The following POU6F2 variants were observed in gnomAD, a reference collection of about 807,000 sequenced individuals.
POU6F2 encodes the protein POU domain, class 6, transcription factor 2.
In POU6F2, 31 loss-of-function variants were observed where a neutral mutation model predicts 71.3. That is an observed-to-expected ratio of 0.43 (90% CI 0.33 to 0.59). The LOEUF (loss-of-function observed/expected upper bound fraction) is 0.59, where lower values mean the gene tolerates loss of function less well. Among genes scored for constraint, POU6F2 ranks in the 20% least tolerant of loss-of-function variants. The probability of loss-of-function intolerance (pLI) is 0.04; values close to 1 mark genes in which losing one functional copy is unlikely to be tolerated. For missense variants in POU6F2, 783 were observed against 856.8 expected (o/e 0.91, Z 1.07); for synonymous variants, 347 against 355.7 (o/e 0.98, Z 0.27).
chr7:39,009,905 T>C (rs956159480), intron 1 of POU6F2, among the ~76,000 whole-genome samples: 2 of 151,744 alleles, frequency 1.3e-5, no homozygotes, highest in Non-Finnish European at 2.9e-5. Flanking sequence ...CTTTTTGATG[T>C]GCTGCTGGAT....
intron 4 of POU6F2, among the ~76,000 whole-genome samples, chr7:39,314,986 C>T (rs1785235171): frequency 6.6e-6 from 1 of 152,166 alleles, no homozygotes; most frequent in Non-Finnish European, 1.5e-5. Flanking sequence ...AAAACTTCAA[C>T]CTCTGTGGTC....
At chr7:39,320,740 C>T (rs1291496217) in intron 4 of POU6F2, among the ~76,000 whole-genome samples, 1 of 152,108 alleles carries the variant, frequency 6.6e-6, no homozygotes, top group Non-Finnish European at 1.5e-5. Flanking sequence ...ATAAATTAGG[C>T]ATAGTAAGGG....
At chr7:39,281,877 A>G (rs1265916664) in intron 4 of POU6F2, among the ~76,000 whole-genome samples, 2 of 152,148 alleles carry the variant, frequency 1.3e-5, no homozygotes, top group Non-Finnish European at 2.9e-5. Flanking sequence ...AGTAAACCCC[A>G]TACTGTTTTC....
At chr7:39,231,406 A>C (rs1309117034) in intron 4 of POU6F2, among the ~76,000 whole-genome samples, 1 of 152,168 alleles carries the variant, frequency 6.6e-6, no homozygotes, top group African/African-American at 2.4e-5. Flanking sequence ...CATGCCAGGC[A>C]TTTACTATAT....
At chr7:39,201,022 GTCTC>G (rs941117317) in intron 2 of POU6F2, among the ~76,000 whole-genome samples, 4 of 151,822 alleles carry the variant, frequency 2.6e-5, no homozygotes, top group African/African-American at 7.3e-5. Context: ...GTGAGATACT[GTCTC>G]TCTCAAAAAA....
intron 1 of POU6F2, among the ~76,000 whole-genome samples, chr7:39,072,299 C>G (rs1169827111): frequency 2.0e-5 from 3 of 152,182 alleles, no homozygotes; most frequent in African/African-American, 7.2e-5. Context: ...ACAGGTACAT[C>G]AGTTCATAGG....
intron 4 of POU6F2, among the ~76,000 whole-genome samples, chr7:39,322,881 T>C (rs981450765): frequency 1.3e-5 from 2 of 152,176 alleles, no homozygotes; most frequent in Non-Finnish European, 2.9e-5. Flanking sequence ...GATTTATAGG[T>C]AGTCTCCTAG....
chr7:39,463,539 G>A (rs1788996224), intron 9 of POU6F2, among the ~76,000 whole-genome samples: 1 of 152,058 alleles, frequency 6.6e-6, no homozygotes, highest in South Asian at 2.1e-4. Flanking sequence ...TGTTTTACCT[G>A]GAAAAAGGGC....
intron 1 of POU6F2, among the ~76,000 whole-genome samples, chr7:39,033,342 G>T (rs1420372030): frequency 6.6e-6 from 1 of 152,076 alleles, no homozygotes; most frequent in African/African-American, 2.4e-5. Context: ...ATTTTCTTTT[G>T]CTAGTCACAG....
intron 4 of POU6F2, among the ~76,000 whole-genome samples, chr7:39,317,280 G>T (rs1389547327): frequency 1.3e-5 from 2 of 152,176 alleles, no homozygotes. Flanking sequence ...CACAGAGGCT[G>T]CCAACATGAT....
chr7:39,191,541 A>G (rs1793664628), intron 2 of POU6F2, among the ~76,000 whole-genome samples: 1 of 152,214 alleles, frequency 6.6e-6, no homozygotes, highest in Non-Finnish European at 1.5e-5. Context: ...ATGAGCTCTG[A>G]CACAGACCCA....
intron 4 of POU6F2, among the ~76,000 whole-genome samples, chr7:39,223,346 A>G (rs1309347688): frequency 6.6e-6 from 1 of 152,200 alleles, no homozygotes; most frequent in Non-Finnish European, 1.5e-5. Flanking sequence ...AGTTGGATTT[A>G]CACTTTAGGT....
rs1444462948 is a variant in POU6F2, at chr7:39,030,762, TA to T, written c.105+52707del. ...ATATGAGAAGATTATGCTTAATTTT[TA>T]AAGAAATGTCAAACTGTCTTCCCAA... On this transcript the variant is annotated intron_variant, in intron 1 of 9. Coordinates refer to ENST00000518318, the MANE Select transcript of POU6F2 (RefSeq NM_001370959.1). Among the ~76,000 whole-genome samples the T allele has an allele frequency of 4.6e-5, 7 of 151,588 alleles. No homozygotes were observed. The East Asian group carries it at 1.4e-3, about 29-fold the overall frequency.
chr7:38,983,327 C>T (rs995047093), intron 1 of POU6F2, among the ~76,000 whole-genome samples: 3 of 151,502 alleles, frequency 2.0e-5, no homozygotes, highest in African/African-American at 7.3e-5. Context: ...GATTTATGTT[C>T]TTTTTCCCTT....
At chr7:39,321,896 GAGAGAGAGAC>G in intron 4 of POU6F2, among the ~76,000 whole-genome samples, 4 of 152,088 alleles carry the variant, frequency 2.6e-5, no homozygotes, top group African/African-American at 7.2e-5. Flanking sequence ...TATATATAGA[GAGAGAGAGAC>G]AGAGAGAGAG....
intron 4 of POU6F2, among the ~76,000 whole-genome samples, chr7:39,272,424 C>G (rs764384389): frequency 6.6e-6 from 1 of 152,088 alleles, no homozygotes; most frequent in African/African-American, 2.4e-5. Flanking sequence ...CCCTGGAGAC[C>G]AGCATAATAT....
chr7:39,319,457 A>G (rs367624011), intron 4 of POU6F2, among the ~76,000 whole-genome samples: 1 of 152,164 alleles, frequency 6.6e-6, no homozygotes, highest in Non-Finnish European at 1.5e-5. Flanking sequence ...TGGCCTCTCA[A>G]ATACAGATCC....
intron 4 of POU6F2, among the ~76,000 whole-genome samples, chr7:39,232,987 A>G (rs1194609945): frequency 2.0e-5 from 3 of 152,204 alleles, no homozygotes; most frequent in Admixed American, 2.0e-4. Context: ...GCTTATTGTC[A>G]ACAATATTTT....
chr7:39,175,306 G>C (rs1584583429), intron 2 of POU6F2, among the ~76,000 whole-genome samples: 1 of 152,210 alleles, frequency 6.6e-6, no homozygotes, highest in Admixed American at 6.5e-5. Flanking sequence ...ATCCCAGTAG[G>C]CACCTCAAAC....
Sources: allele counts gnomAD v4.1 joint callset (sites outside exome capture counted in the v4.1 genomes callset), GRCh38; gene constraint gnomAD v4.1.1; transcripts MANE v1.5; gene names NCBI Gene and HGNC (gene_info 2026-07-23, HGNC 2026-07-21).